DLG1: variants seen among roughly 807,000 people sequenced by gnomAD.
DLG1 encodes the protein disks large homolog 1.
DLG1 carries 42 observed loss-of-function variants against 123.4 expected under a neutral mutation model. That is an observed-to-expected ratio of 0.34 (90% CI 0.27 to 0.44). The LOEUF (loss-of-function observed/expected upper bound fraction) is 0.44, where lower values mean the gene tolerates loss of function less well. DLG1 is among the 20% of genes least tolerant of loss of function. The pLI is 1.00. For missense variants in DLG1, 942 were observed against 1,082.6 expected (o/e 0.87, Z 1.82); for synonymous variants, 317 against 356.2 (o/e 0.89, Z 1.24).
chr3:197,235,375 C>T (rs1745421876), intron 4 of DLG1, among the ~76,000 whole-genome samples: 1 of 152,182 alleles, frequency 6.6e-6, no homozygotes, highest in Non-Finnish European at 1.5e-5. Context: ...AGTCTGAATA[C>T]TAATCAACAC....
chr3:197,049,128 G>C (rs569529977), intron 24 of DLG1, among the ~76,000 whole-genome samples: 1 of 22,314 alleles, frequency 4.5e-5, no homozygotes, highest in Admixed American at 4.9e-4. Flanking sequence ...AGACCAGCAC[G>C]GCCAACCCTG....
intron 5 of DLG1, among the ~76,000 whole-genome samples, chr3:197,171,377 G>A (rs548225653): frequency 6.6e-6 from 1 of 152,106 alleles, no homozygotes; most frequent in Non-Finnish European, 1.5e-5. Context: ...AGCCGGTATA[G>A]TAAAAAACCA....
chr3:197,151,695 GA>G (rs1793934148), intron 5 of DLG1, among the ~76,000 whole-genome samples: 1 of 152,176 alleles, frequency 6.6e-6, no homozygotes, highest in Non-Finnish European at 1.5e-5. Context: ...CAGTTTTAAA[GA>G]GGTTAATAGC....
Position 197,138,334 on chromosome 3 carries a change from G to A in DLG1, c.771C>T (p.Ser257=). 6.3e-7 allele frequency: 1 copy of A among 1,596,454 alleles called. No homozygotes were observed. Among genetic ancestry groups the A allele is most frequent in the Non-Finnish European group, 8.6e-7 (1 of 1,168,792 alleles). ...CTTCTTTCAACGCTTCAACTGCTTTGCTATGTGTTACATCACGAACATCTA... is the reference window on the plus strand; with the variant it reads ...CTTCTTTCAACGCTTCAACTGCTTTACTATGTGTTACATCACGAACATCTA... The part of the protein sequence containing the change: ...NEVDVRDVTH[S]KAVEALKEAG... The change falls in exon 9 of 25, where the codon AGC becomes AGT. Residue 257 remains serine (S), a synonymous_variant. Transcript: ENST00000667157.
At chr3:197,241,792 A>G (rs1332619057) in intron 4 of DLG1, among the ~76,000 whole-genome samples, 2 of 152,100 alleles carry the variant, frequency 1.3e-5, no homozygotes, top group African/African-American at 2.4e-5. Context: ...ATAATTTGTT[A>G]TTTTTTTGTA....
intron 4 of DLG1, among the ~76,000 whole-genome samples, chr3:197,249,908 T>C (rs779192006): frequency 2.0e-5 from 3 of 152,162 alleles, no homozygotes. Flanking sequence ...AGATGAAACA[T>C]AGCTCAAAAT....
chr3:197,091,111 C>T (rs187881276), intron 14 of DLG1, 85 bp from the exon 15 acceptor site: 38 of 862,730 alleles, frequency 4.4e-5, no homozygotes, highest in Admixed American at 3.0e-4. Flanking sequence ...GTAAACTGTC[C>T]TATAATTGAT....
At chr3:197,252,307 T>C (rs1754821877) in intron 4 of DLG1, among the ~76,000 whole-genome samples, 1 of 152,158 alleles carries the variant, frequency 6.6e-6, no homozygotes, top group Non-Finnish European at 1.5e-5. Flanking sequence ...AGCAATATTA[T>C]TCACAATAGC....
At chr3:197,187,220 T>C (rs1383731360) in intron 5 of DLG1, among the ~76,000 whole-genome samples, 8 of 152,180 alleles carry the variant, frequency 5.3e-5, no homozygotes. Context: ...ACCAGGTCCA[T>C]GATAAAATTC....
rs549328941 is a variant in DLG1 at position 197,258,773 on chromosome 3, G to C, written c.318+23906C>G. Among the ~76,000 whole-genome samples, 4 of 152,280 alleles carry C rather than the reference G, an allele frequency of 2.6e-5. No homozygotes were observed. In the South Asian group the frequency reaches 6.2e-4, roughly 24 times the overall value. On this transcript the variant is annotated intron_variant, in intron 4 of 24. Coordinates refer to ENST00000667157, the MANE Select transcript of DLG1 (RefSeq NM_001366207.1). ...ATCAAGAATTTTGCTCTTCCTGCTA[G>C]AGCCATTGGTTAAATATGTTCAAAG...
intron 18 of DLG1, among the ~76,000 whole-genome samples, chr3:197,073,898 G>A (rs1244304895): frequency 6.6e-6 from 1 of 151,738 alleles, no homozygotes; most frequent in Non-Finnish European, 1.5e-5. Context: ...TTCTTTTTGA[G>A]TTTTGTTCCA....
intron 5 of DLG1, among the ~76,000 whole-genome samples, chr3:197,160,103 G>C (rs1798199306): frequency 6.6e-6 from 1 of 152,134 alleles, no homozygotes; most frequent in Non-Finnish European, 1.5e-5. Context: ...TAAGTGGTAG[G>C]ACTGGAATTC....
chr3:197,179,849 A>G (rs575351461), intron 5 of DLG1, among the ~76,000 whole-genome samples: 36 of 152,258 alleles, frequency 2.4e-4, no homozygotes, highest in African/African-American at 8.2e-4. Flanking sequence ...ATTAGCCTAA[A>G]TATTTTTCCA....
In DLG1 at chr3:197,258,858, A is replaced by C. The variant is rs540184729; in HGVS notation, c.318+23821T>G. Among the ~76,000 whole-genome samples the C allele has an allele frequency of 2.6e-5, 4 of 152,312 alleles. No individual in the cohort carries two copies. In the East Asian group the frequency reaches 7.7e-4, roughly 29 times the overall value. On this transcript the variant is annotated intron_variant, in intron 4 of 24. Coordinates refer to ENST00000667157, the MANE Select transcript of DLG1 (RefSeq NM_001366207.1). ...TTTAGTTTTTTCAAAAGCAACTACAAACAATGTTTTAGGCTTCTAATTTCC... is the reference window on the plus strand; with the variant it reads ...TTTAGTTTTTTCAAAAGCAACTACACACAATGTTTTAGGCTTCTAATTTCC...
rs1019268026 is a variant in DLG1 at position 197,297,275 on chromosome 3, T to C, written c.-31-40A>G. 8 of 1,609,058 alleles carry C rather than the reference T, an allele frequency of 5.0e-6. No individual in the cohort carries two copies. In the Admixed American group the frequency reaches 5.0e-5, roughly 10 times the overall value. ...ACGGAAAGGAAAAAGGATAGAATCA[T>C]GTTAAACTAGCATTTTCCCCTATCG... On this transcript the variant is annotated intron_variant, in intron 1 of 24. Transcript: ENST00000667157.
intron 13 of DLG1, among the ~76,000 whole-genome samples, chr3:197,109,425 TGTG>T (rs767109399): frequency 6.6e-6 from 1 of 152,188 alleles, no homozygotes; most frequent in South Asian, 2.1e-4. Context: ...TTACCCGCCT[TGTG>T]GTGTTGTCAT....
intron 24 of DLG1, among the ~76,000 whole-genome samples, chr3:197,048,812 C>T (rs1281720138): frequency 2.6e-5 from 4 of 151,996 alleles, no homozygotes; most frequent in Admixed American, 1.3e-4. Flanking sequence ...TGCACCACCA[C>T]GCCCGGCTAA....
At chr3:197,183,877 G>A (rs893663657) in intron 5 of DLG1, 49 of 1,495,390 alleles carry the variant, frequency 3.3e-5, no homozygotes, top group East Asian at 1.5e-4. Context: ...GTGAATGATC[G>A]GTAAAAACTG....
intron 16 of DLG1, among the ~76,000 whole-genome samples, chr3:197,082,919 G>T (rs953657666): frequency 3.3e-5 from 5 of 152,112 alleles, no homozygotes; most frequent in African/African-American, 9.7e-5. Flanking sequence ...ATTGGGTGTA[G>T]GCACAGAAAG....
Sources: gnomAD v4.1 joint callset for allele counts (sites outside exome capture counted in the v4.1 genomes callset) on GRCh38, gnomAD v4.1.1 for gene constraint, MANE v1.5 for transcripts, NCBI Gene and HGNC (gene_info 2026-07-23, HGNC 2026-07-21) for gene names.